The following TMEM108 variants were observed in gnomAD, a reference collection of about 807,000 sequenced individuals.
The protein encoded by TMEM108 is transmembrane protein 108, also known as cancer/testis antigen 124.
Under a neutral mutation model 35.1 loss-of-function variants are expected in TMEM108, and 12 were observed. The observed-to-expected ratio is 0.34, with a 90% CI of 0.22 to 0.55. The LOEUF is 0.55. Among genes scored for constraint, TMEM108 ranks in the 20% least tolerant of loss-of-function variants. The probability of loss-of-function intolerance (pLI) is 0.89; values close to 1 mark genes in which losing one functional copy is unlikely to be tolerated. For synonymous variants in TMEM108, 287 were observed against 308.6 expected, an observed-to-expected ratio of 0.93 and a Z score of 0.73; for missense variants, 680 against 753.3, an observed-to-expected ratio of 0.90 and a Z score of 1.14.
chr3:133,077,995 C>G, intron 2 of TMEM108, among the ~76,000 whole-genome samples: 1 of 152,158 alleles, frequency 6.6e-6, no homozygotes, highest in East Asian at 1.9e-4. Context: ...CAAACTAAGA[C>G]TTTTATACAA....
chr3:133,147,579 G>T (rs1944739766), intron 2 of TMEM108, among the ~76,000 whole-genome samples: 1 of 152,008 alleles, frequency 6.6e-6, no homozygotes, highest in Admixed American at 6.6e-5. Context: ...TTTTTAATGG[G>T]GTTGTTTGTT....
intron 3 of TMEM108, among the ~76,000 whole-genome samples, chr3:133,284,073 G>A (rs1946951938): frequency 6.6e-6 from 1 of 152,180 alleles, no homozygotes; most frequent in Non-Finnish European, 1.5e-5. Flanking sequence ...AGATTGCATG[G>A]TGCTTCAGGG....
rs995272401 is a variant in TMEM108, at chr3:133,346,374, G to T, written c.41-33378G>T. Among the ~76,000 whole-genome samples, 1 of 151,850 alleles carries T rather than the reference G, an allele frequency of 6.6e-6. No individual in the cohort carries two copies. Among genetic ancestry groups the T allele is most frequent in the African/African-American group, 2.4e-5 (1 of 41,376 alleles). On this transcript the variant is annotated intron_variant, in intron 3 of 5. Coordinates refer to ENST00000321871, the MANE Select transcript of TMEM108 (RefSeq NM_023943.4). This position sits in a 1 kb window ranked among gnomAD's most constrained non-coding sequence, Gnocchi z 4.0. ...TAGCCATTCTAATAGGTGTGTAGTGGTATCCCATTGTTGTTTTAATTGACA... is the reference window on the plus strand; with the variant it reads ...TAGCCATTCTAATAGGTGTGTAGTGTTATCCCATTGTTGTTTTAATTGACA...
chr3:133,249,735 C>T (rs943165317), intron 3 of TMEM108, among the ~76,000 whole-genome samples: 4 of 152,038 alleles, frequency 2.6e-5, no homozygotes, highest in African/African-American at 4.8e-5. Context: ...GTTGATTCCA[C>T]GTCTTTGTTA....
intron 3 of TMEM108, among the ~76,000 whole-genome samples, chr3:133,293,680 G>A (rs1012629953): frequency 2.0e-5 from 3 of 152,040 alleles, no homozygotes; most frequent in African/African-American, 4.8e-5. Flanking sequence ...TCAAGCATGA[G>A]CATTCTTTGT....
chr3:133,210,108 A>G (rs1329946857), intron 2 of TMEM108, among the ~76,000 whole-genome samples: 1 of 152,166 alleles, frequency 6.6e-6, no homozygotes, highest in Non-Finnish European at 1.5e-5. Flanking sequence ...ATGTGGTTTC[A>G]TTTATCATCC....
At chr3:133,386,885 A>G (rs1197298) in intron 4 of TMEM108, 288,416 of 633,238 alleles carry the variant, frequency 0.46, 67,801 homozygotes, top group Non-Finnish European at 0.48. Flanking sequence ...ATTAGCTTCT[A>G]TGACCTTCAG....
chr3:133,347,972 T>G (rs1204146745), intron 3 of TMEM108, among the ~76,000 whole-genome samples: 5 of 152,054 alleles, frequency 3.3e-5, no homozygotes, highest in Admixed American at 3.3e-4. Context: ...CCCAAATTAG[T>G]TATAATAAAT....
chr3:133,218,818 C>T (rs1043147323), intron 2 of TMEM108, among the ~76,000 whole-genome samples: 1 of 152,040 alleles, frequency 6.6e-6, no homozygotes, highest in Non-Finnish European at 1.5e-5. Flanking sequence ...CTATATTCAT[C>T]AGGGATGCTG....
intron 2 of TMEM108, among the ~76,000 whole-genome samples, chr3:133,074,125 G>A (rs1327796364): frequency 6.6e-6 from 1 of 151,912 alleles, no homozygotes; most frequent in Non-Finnish European, 1.5e-5. Flanking sequence ...CAGGTTTTTT[G>A]TTTTATTTTG....
chr3:133,233,978 C>T (rs1331709207), intron 3 of TMEM108, among the ~76,000 whole-genome samples: 1 of 151,104 alleles, frequency 6.6e-6, no homozygotes, highest in Non-Finnish European at 1.5e-5. Context: ...AATTTTCTCC[C>T]ATTTTGTAGG....
intron 2 of TMEM108, among the ~76,000 whole-genome samples, chr3:133,159,158 A>T (rs1305211051): frequency 1.3e-5 from 2 of 152,108 alleles, no homozygotes. Context: ...ATGATTCCCC[A>T]CTATTGTAAG....
At position 133,370,919 on chromosome 3, in the gene TMEM108, T is replaced by TGTGTGTGTGTGTGTGTGC. The variant is rs528508777; in HGVS notation, c.41-8830_41-8829insTGTGTGTGTGTGTGCGTG. Among the ~76,000 whole-genome samples the TGTGTGTGTGTGTGTGTGC allele has an allele frequency of 7.3e-5, 10 of 136,790 alleles. No individual in the cohort carries two copies. In the East Asian group the frequency reaches 2.3e-3, roughly 31 times the overall value. 89.7% of individuals were successfully genotyped at this position (136,790 alleles called of 152,430 possible). A position where few individuals can be genotyped will look rare whatever the true frequency, so the allele number is the denominator to read the frequency against. ...GTGTGTGTGTGTGTGTGTGTGTGTG[T>TGTGTGTGTGTGTGTGTGC]GTGCCAGGAAGCTTCATGGCCCTCC... On this transcript the variant is annotated intron_variant, in intron 3 of 5. Coordinates refer to ENST00000321871, the MANE Select transcript of TMEM108 (RefSeq NM_023943.4).
At chr3:133,359,735 A>T (rs1439395630) in intron 3 of TMEM108, among the ~76,000 whole-genome samples, 1 of 152,214 alleles carries the variant, frequency 6.6e-6, no homozygotes, top group Non-Finnish European at 1.5e-5. Flanking sequence ...TTAAATTTTT[A>T]AACCAAAAGG....
chr3:133,262,367 G>A (rs964616261), intron 3 of TMEM108, among the ~76,000 whole-genome samples: 2 of 152,216 alleles, frequency 1.3e-5, no homozygotes, highest in Non-Finnish European at 2.9e-5. Context: ...AATAGGACAT[G>A]CACAAGTTTT....
intron 2 of TMEM108, among the ~76,000 whole-genome samples, chr3:133,067,971 G>A (rs761041000): frequency 5.3e-5 from 8 of 152,096 alleles, no homozygotes; most frequent in Admixed American, 6.5e-5. Context: ...TCATCCCACC[G>A]TGGAAGGCAG....
At chr3:133,096,158 G>A (rs1944012270) in intron 2 of TMEM108, among the ~76,000 whole-genome samples, 1 of 152,076 alleles carries the variant, frequency 6.6e-6, no homozygotes, top group Non-Finnish European at 1.5e-5. Context: ...ATGCAGTGGT[G>A]GTTTTTGTTT....
intron 3 of TMEM108, among the ~76,000 whole-genome samples, chr3:133,243,104 C>T (rs3948082): frequency 0.97 from 148,450 of 152,272 alleles, 72,445 homozygotes; most frequent in East Asian, 1. Flanking sequence ...GATGGAAGGG[C>T]TGGAAGCTCT....
At chr3:133,213,981 G>C (rs1945869412) in intron 2 of TMEM108, among the ~76,000 whole-genome samples, 1 of 152,068 alleles carries the variant, frequency 6.6e-6, no homozygotes, top group Non-Finnish European at 1.5e-5. Flanking sequence ...GGGCTATTTG[G>C]GGAATGGCCC....
Sources: allele counts gnomAD v4.1 joint callset (sites outside exome capture counted in the v4.1 genomes callset), GRCh38; gene constraint gnomAD v4.1.1; non-coding constraint Gnocchi (gnomAD v3.1); transcripts MANE v1.5; gene names NCBI Gene and HGNC (gene_info 2026-07-23, HGNC 2026-07-21).